Variants in KIAA1328 observed in about 807,000 individuals in gnomAD.
The protein encoded by KIAA1328 is KIAA1328.
Under a neutral mutation model 68.1 loss-of-function variants are expected in KIAA1328, and 52 were observed. The ratio of observed to expected loss-of-function variants is 0.76; its 90% CI spans 0.61 to 0.96. The LOEUF is 0.96. KIAA1328 is among the 40% of genes least tolerant of loss of function. The pLI is 0.00. For synonymous variants in KIAA1328, 232 were observed against 239.4 expected (o/e 0.97, Z 0.28); for missense variants, 641 against 677.6 (o/e 0.95, Z 0.60).
chr18:36,890,000 T>G (rs2048628371), intron 5 of KIAA1328, among the ~76,000 whole-genome samples: 1 of 152,154 alleles, frequency 6.6e-6, no homozygotes, highest in Non-Finnish European at 1.5e-5. Flanking sequence ...TAGTTTCCTC[T>G]CCCAGAAATC....
At chr18:37,012,176 T>C (rs913936513) in intron 6 of KIAA1328, among the ~76,000 whole-genome samples, 49 of 152,142 alleles carry the variant, frequency 3.2e-4, no homozygotes, top group African/African-American at 1.2e-3. Flanking sequence ...ACTAAGACAG[T>C]AATTCTCTGA....
intron 4 of KIAA1328, among the ~76,000 whole-genome samples, chr18:36,868,300 A>C (rs2047824293): frequency 6.6e-6 from 1 of 152,206 alleles, no homozygotes; most frequent in Non-Finnish European, 1.5e-5. Context: ...GATAAGTGGA[A>C]TATTGATTGA....
chr18:37,193,337 T>A (rs185442574), intron 9 of KIAA1328, among the ~76,000 whole-genome samples: 36 of 152,280 alleles, frequency 2.4e-4, no homozygotes, highest in African/African-American at 8.4e-4. Flanking sequence ...AGCATATACA[T>A]AAACCATATG....
intron 7 of KIAA1328, among the ~76,000 whole-genome samples, chr18:37,140,360 G>A (rs990145289): frequency 3.9e-5 from 6 of 152,010 alleles, no homozygotes; most frequent in African/African-American, 1.4e-4. Context: ...AAAACAAAAG[G>A]TTAATGTTTT....
chr18:36,876,658 T>A (rs1311071457), intron 4 of KIAA1328, among the ~76,000 whole-genome samples: 2 of 152,202 alleles, frequency 1.3e-5, no homozygotes, highest in Non-Finnish European at 2.9e-5. Flanking sequence ...GGAAGGGTTT[T>A]TCATGTCTCT....
chr18:36,959,939 C>T (rs2051588477), intron 6 of KIAA1328, among the ~76,000 whole-genome samples: 2 of 152,168 alleles, frequency 1.3e-5, no homozygotes, highest in South Asian at 2.1e-4. Context: ...CGTTTGTACA[C>T]TTATCACCAA....
Position 37,027,698 on chromosome 18 carries a change from C to A in KIAA1328, c.577-39192C>A, listed in dbSNP as rs1406535406. Among the ~76,000 whole-genome samples, 10 of 151,974 alleles carry A rather than the reference C, an allele frequency of 6.6e-5. 1 individual carries two copies. The highest frequency in any genetic ancestry group is 1.2e-4 in the African/African-American group (5 of 41,464). On this transcript the variant is annotated intron_variant, in intron 6 of 9. Coordinates refer to ENST00000280020, the MANE Select transcript of KIAA1328 (RefSeq NM_020776.3). ...AGCTGAAACTGGATCCCTTCCTTAC[C>A]CCTTATACAAAAATTAATTCAAGAT...
At chr18:37,125,975 G>A (rs78645773) in intron 7 of KIAA1328, among the ~76,000 whole-genome samples, 15 of 152,220 alleles carry the variant, frequency 9.9e-5, no homozygotes, top group East Asian at 5.8e-4. Flanking sequence ...GTACTTGTGC[G>A]TGAATGTGTG....
rs201990077 is a variant in KIAA1328, at chr18:36,958,851, A to AT, written c.449-446dup. Among the ~76,000 whole-genome samples the AT allele has an allele frequency of 2.8e-3, 416 of 146,534 alleles. 2 individuals are homozygous for AT. Among genetic ancestry groups the AT allele is most frequent in the African/African-American group, 8.8e-3 (355 of 40,116 alleles). On this transcript the variant is annotated intron_variant, in intron 5 of 9. Transcript: ENST00000280020. The stretch of plus-strand genomic sequence containing the variant: ...TTACATTTCGAAGTCTAATTTGTCT[A>AT]TTTTTTTTTTTATTTGGTTACTTGT...
intron 7 of KIAA1328, among the ~76,000 whole-genome samples, chr18:37,091,582 C>A (rs1221491036): frequency 2.0e-5 from 3 of 152,110 alleles, no homozygotes; most frequent in Non-Finnish European, 4.4e-5. Context: ...TACTGGGTCC[C>A]ATGTACCCAC....
chr18:37,084,053 G>A, intron 7 of KIAA1328: 1 of 822,706 alleles, frequency 1.2e-6, no homozygotes, highest in Admixed American at 4.1e-5. Flanking sequence ...GAAAGAGCAT[G>A]GTTTTCCAAA....
At chr18:36,975,177 T>A (rs1188728452) in intron 6 of KIAA1328, among the ~76,000 whole-genome samples, 5 of 100,570 alleles carry the variant, frequency 5.0e-5, no homozygotes, top group Non-Finnish European at 1.1e-4. Flanking sequence ...CAAGCTACAA[T>A]TTTTTTTTTT....
In KIAA1328 at chr18:37,067,704, C is replaced by T. The variant is rs546017121; in HGVS notation, c.1232+159C>T. 8.5e-5 allele frequency among the ~76,000 whole-genome samples: 13 copies of T among 152,048 alleles called. No homozygotes were observed. In the East Asian group the frequency reaches 2.1e-3, roughly 25 times the overall value. ...CCTCCCGAGTAGCTGGGATTACAGG[C>T]GCCCGCCACCATGCCCGGCTAATTT... On this transcript the variant is annotated intron_variant, in intron 7 of 9. Coordinates refer to ENST00000280020, the MANE Select transcript of KIAA1328 (RefSeq NM_020776.3).
At chr18:37,217,530 G>C (rs1362364666) in intron 9 of KIAA1328, among the ~76,000 whole-genome samples, 2 of 152,188 alleles carry the variant, frequency 1.3e-5, no homozygotes, top group African/African-American at 4.8e-5. Flanking sequence ...TTTCTGCCGA[G>C]AGATCAGCTG....
At chr18:37,165,855 G>A (rs1306953038) in intron 8 of KIAA1328, among the ~76,000 whole-genome samples, 1 of 151,824 alleles carries the variant, frequency 6.6e-6, no homozygotes, top group African/African-American at 2.4e-5. Context: ...GGCAGATGGA[G>A]GCTTTTTGAA....
At chr18:37,061,487 T>C (rs1044368118) in intron 6 of KIAA1328, among the ~76,000 whole-genome samples, 2 of 152,122 alleles carry the variant, frequency 1.3e-5, no homozygotes, top group Non-Finnish European at 2.9e-5. Context: ...AAATTACGCC[T>C]CAATGTTTTA....
chr18:37,072,722 T>C (rs1245089900), intron 7 of KIAA1328, among the ~76,000 whole-genome samples: 2 of 152,132 alleles, frequency 1.3e-5, no homozygotes, highest in Non-Finnish European at 2.9e-5. Context: ...ACGGGTACCA[T>C]GGTGGTTTGC....
At chr18:37,113,322 C>G (rs1298826318) in intron 7 of KIAA1328, among the ~76,000 whole-genome samples, 2 of 152,140 alleles carry the variant, frequency 1.3e-5, no homozygotes, top group Non-Finnish European at 2.9e-5. Context: ...GGCAGAAACT[C>G]TACAAGCCAG....
chr18:36,914,939 G>A (rs1046256876), intron 5 of KIAA1328, among the ~76,000 whole-genome samples: 1 of 152,260 alleles, frequency 6.6e-6, no homozygotes, highest in South Asian at 2.1e-4. Flanking sequence ...CATTCATGGA[G>A]TAGAAGATTC....
Sources: allele counts gnomAD v4.1 joint callset (sites outside exome capture counted in the v4.1 genomes callset), GRCh38; gene constraint gnomAD v4.1.1; transcripts MANE v1.5; gene names NCBI Gene and HGNC (gene_info 2026-07-23, HGNC 2026-07-21).